The following REDIC1 variants were observed in gnomAD, a reference collection of about 807,000 sequenced individuals.
The protein encoded by REDIC1 is HEI10 Interacting Protein 1.
At chr12:39,877,833 A>T in the REDIC1 span, among the ~76,000 whole-genome samples, 3 of 152,200 alleles carry the variant, frequency 2.0e-5, no homozygotes, top group Admixed American at 1.3e-4. Context: ...TATAATTTGG[A>T]TATTCATCCC....
chr12:39,785,118 C>A, the REDIC1 span, among the ~76,000 whole-genome samples: 5 of 152,280 alleles, frequency 3.3e-5, 2 homozygotes, highest in Admixed American at 3.3e-4. Flanking sequence ...TAATGTGAAT[C>A]CCCAAGACCA....
chr12:39,630,778 C>A, the REDIC1 span, among the ~76,000 whole-genome samples: 1 of 152,084 alleles, frequency 6.6e-6, no homozygotes, highest in African/African-American at 2.4e-5. Flanking sequence ...ATAATGTCTG[C>A]ATATGTCTGC....
At chr12:39,760,765 A>G in the REDIC1 span, among the ~76,000 whole-genome samples, 1 of 152,032 alleles carries the variant, frequency 6.6e-6, no homozygotes. Context: ...ATGCATGTCA[A>G]TGCAGAACAG....
At chr12:39,646,493 T>C in the REDIC1 span, 7 of 1,526,904 alleles carry the variant, frequency 4.6e-6, no homozygotes, top group African/African-American at 2.9e-5. Context: ...TATTATTAGG[T>C]GTTTAAACTG....
chr12:39,675,582 C>G, the REDIC1 span, among the ~76,000 whole-genome samples: 7 of 152,232 alleles, frequency 4.6e-5, no homozygotes, highest in African/African-American at 1.7e-4. Context: ...CCACGTGCAA[C>G]ATCCTGGCTA....
chr12:39,830,265 G>A, the REDIC1 span: 1 of 1,600,428 alleles, frequency 6.2e-7, no homozygotes, highest in Non-Finnish European at 8.5e-7. Context: ...TGTTGGCAGA[G>A]ACAACTGGTG....
At chr12:39,679,829 A>G in the REDIC1 span, among the ~76,000 whole-genome samples, 1 of 152,214 alleles carries the variant, frequency 6.6e-6, no homozygotes, top group Admixed American at 6.5e-5. Flanking sequence ...GAACCCAGAA[A>G]TAAAGCCAAA....
chr12:39,740,349 T>A, the REDIC1 span, among the ~76,000 whole-genome samples: 1 of 152,140 alleles, frequency 6.6e-6, no homozygotes, highest in Admixed American at 6.5e-5. Flanking sequence ...GAATTTTTTT[T>A]AGCAAGCCAA....
the REDIC1 span, chr12:39,835,908 A>G: frequency 6.6e-6 from 1 of 152,144 alleles, no homozygotes; most frequent in Non-Finnish European, 1.5e-5. Context: ...ACCAATTGTC[A>G]AAGGGTATTT....
At chr12:39,888,404 T>A in the REDIC1 span, among the ~76,000 whole-genome samples, 70 of 152,272 alleles carry the variant, frequency 4.6e-4, no homozygotes, top group African/African-American at 1.5e-3. Flanking sequence ...TTTGTATTTT[T>A]AGCAGAGACA....
the REDIC1 span, chr12:39,830,290 G>A: frequency 1.8e-5 from 28 of 1,565,886 alleles, 1 homozygote; most frequent in South Asian, 3.3e-4. Context: ...CCATATACTG[G>A]ATTCCATGTG....
the REDIC1 span, among the ~76,000 whole-genome samples, chr12:39,640,600 A>T: frequency 6.6e-6 from 1 of 151,954 alleles, no homozygotes; most frequent in Admixed American, 6.6e-5. Flanking sequence ...ATACAAAGAA[A>T]AAGAAGAATG....
chr12:39,761,973 T>A, the REDIC1 span, among the ~76,000 whole-genome samples: 1 of 152,090 alleles, frequency 6.6e-6, no homozygotes, highest in Non-Finnish European at 1.5e-5. Flanking sequence ...AAAACATTTG[T>A]TGGGTTAGGA....
At chr12:39,639,892 C>T in the REDIC1 span, among the ~76,000 whole-genome samples, 1 of 151,816 alleles carries the variant, frequency 6.6e-6, no homozygotes, top group Non-Finnish European at 1.5e-5. Context: ...TTATGCATGT[C>T]TAAAAGTTAT....
the REDIC1 span, among the ~76,000 whole-genome samples, chr12:39,833,002 T>G: frequency 2.0e-5 from 3 of 152,086 alleles, no homozygotes; most frequent in Admixed American, 6.6e-5. Context: ...TATACACATC[T>G]TAAAGTTTCT....
chr12:39,667,966 G>A, the REDIC1 span, among the ~76,000 whole-genome samples: 6 of 151,974 alleles, frequency 3.9e-5, no homozygotes, highest in South Asian at 4.2e-4. Context: ...GTGTCTCTGC[G>A]GGTGAGATGG....
chr12:39,771,032 C>T, the REDIC1 span, among the ~76,000 whole-genome samples: 9 of 152,214 alleles, frequency 5.9e-5, no homozygotes, highest in African/African-American at 1.4e-4. Flanking sequence ...TGTTAGAGAA[C>T]GTACACAAAG....
chr12:39,711,543 G>GTATGTGCATACACATGCATGTGTA, the REDIC1 span, among the ~76,000 whole-genome samples: 2 of 111,334 alleles, frequency 1.8e-5, no homozygotes, highest in African/African-American at 6.4e-5. Context: ...ATACATATAT[G>GTATGTGCATACACATGCATGTGTA]TATGTGCATA....
chr12:39,819,310 G>A, the REDIC1 span, among the ~76,000 whole-genome samples: 3 of 152,018 alleles, frequency 2.0e-5, no homozygotes, highest in Non-Finnish European at 4.4e-5. Flanking sequence ...TCTCATTTAT[G>A]TCATAGAAAG....
Sources: allele counts gnomAD v4.1 joint callset (sites outside exome capture counted in the v4.1 genomes callset), GRCh38; gene constraint gnomAD v4.1.1; transcripts MANE v1.5; gene names NCBI Gene and HGNC (gene_info 2026-07-23, HGNC 2026-07-21).